Variants in GORAB observed in about 807,000 individuals in gnomAD.
GORAB encodes the protein golgin, RAB6 interacting.
Under a neutral mutation model 29.9 loss-of-function variants are expected in GORAB, and 17 were observed. The observed-to-expected ratio is 0.57, with a 90% CI of 0.39 to 0.85. The LOEUF is 0.85. Ranked by LOEUF, GORAB falls within the 40% of genes least tolerant of loss-of-function variation. The pLI, the probability that GORAB is intolerant of heterozygous loss-of-function variation, is 0.00. For missense variants in GORAB, 442 were observed against 437.8 expected, an observed-to-expected ratio of 1.01 and a Z score of -0.09; for synonymous variants, 183 against 157.2, an observed-to-expected ratio of 1.16 and a Z score of -1.23.
At chr1:170,532,863 G>A (rs981548169) in intron 1 of GORAB, among the ~76,000 whole-genome samples, 2 of 152,198 alleles carry the variant, frequency 1.3e-5, no homozygotes, top group Non-Finnish European at 2.9e-5. Context: ...GAGGGTAGAT[G>A]TGAAGACTTT....
intron 2 of GORAB, among the ~76,000 whole-genome samples, 158 bp from the exon 3 acceptor site, chr1:170,542,333 C>T (rs1162242877): frequency 1.3e-5 from 2 of 152,116 alleles, no homozygotes; most frequent in Non-Finnish European, 2.9e-5. Flanking sequence ...TAATGAACTG[C>T]AGATGGGTTT....
intron 1 of GORAB, among the ~76,000 whole-genome samples, chr1:170,535,981 A>G (rs1406674187): frequency 6.6e-6 from 1 of 152,154 alleles, no homozygotes; most frequent in Non-Finnish European, 1.5e-5. Flanking sequence ...CCCAGCCAGT[A>G]TTCTTGACCT....
Position 170,542,503 on chromosome 1 carries a change from T to G in GORAB, c.432T>G (p.Ser144=). 1 of 1,613,388 alleles carries G rather than the reference T, an allele frequency of 6.2e-7. No individual in the cohort carries two copies. The highest frequency in any genetic ancestry group is 1.1e-5 in the South Asian group (1 of 91,072). The change falls in exon 3 of 5, where the codon TCT becomes TCG. Residue 144 remains serine, a synonymous_variant. Transcript: ENST00000367763. ...EKKKVELQEK[S]RWEVLQQEQR... ...TTTTGCCCCCTAGGCAAGAAAAATC[T>G]CGTTGGGAAGTCCTCCAACAAGAAC...
chr1:170,545,019 C>T, intron 4 of GORAB, 174 bp downstream of exon 4: 1 of 1,342,002 alleles, frequency 7.5e-7, no homozygotes, highest in Non-Finnish European at 9.6e-7. Context: ...GTGAAGTCTT[C>T]CTTAACTCTG....
At chr1:170,545,379 T>C (rs1284993574) in intron 4 of GORAB, 6 of 954,902 alleles carry the variant, frequency 6.3e-6, no homozygotes, top group African/African-American at 1.8e-5. Flanking sequence ...ATTTTCTCTT[T>C]TTTTTTCCTT....
At position 170,537,583 on chromosome 1, in the gene GORAB, A is replaced by G. The variant is rs528742429; in HGVS notation, c.62-1627A>G. ...CTACATTTAAAAATCAAGATATTTT[A>G]CATAAAAGTCTAAATTGTAATCATA... On this transcript the variant is annotated intron_variant, in intron 1 of 4. Transcript: ENST00000367763. 2.0e-5 allele frequency among the ~76,000 whole-genome samples: 3 copies of G among 152,318 alleles called. No individual in the cohort carries two copies. In the South Asian group the frequency reaches 6.2e-4, roughly 32 times the overall value.
intron 1 of GORAB, among the ~76,000 whole-genome samples, chr1:170,533,057 A>G (rs995802858): frequency 6.6e-6 from 1 of 152,198 alleles, no homozygotes; most frequent in African/African-American, 2.4e-5. Flanking sequence ...CTTGTGGTTG[A>G]AATTTCGCAG....
intron 1 of GORAB, among the ~76,000 whole-genome samples, chr1:170,534,859 A>C (rs1430895831): frequency 6.6e-6 from 1 of 152,188 alleles, no homozygotes; most frequent in Non-Finnish European, 1.5e-5. Flanking sequence ...GATTGTATAT[A>C]GTGGGGAGGC....
chr1:170,540,054 T>C lies in GORAB; in HGVS notation c.419+487T>C, dbSNP rs556887683. 4.6e-5 allele frequency among the ~76,000 whole-genome samples: 7 copies of C among 151,792 alleles called. No homozygotes were observed. In the South Asian group the frequency reaches 1.0e-3, roughly 23 times the overall value. On this transcript the variant is annotated intron_variant, in intron 2 of 4. Transcript: ENST00000367763. ...AATCACAGCTCAGAAGCAGTTCTTA[T>C]ATGCATAGTGCCTCTGCCCAAATTG...
At chr1:170,542,628 C>T in intron 3 of GORAB, 36 bp downstream of exon 3, 1 of 1,303,218 alleles carries the variant, frequency 7.7e-7, no homozygotes. Flanking sequence ...TGTTTGTAAC[C>T]TGTAACCAGT....
chr1:170,539,655 T>C, intron 2 of GORAB, 88 bp downstream of exon 2: 3 of 1,401,634 alleles, frequency 2.1e-6, no homozygotes, highest in Non-Finnish European at 2.9e-6. Context: ...ATTTGTTTAT[T>C]TTAACATTTT....
chr1:170,542,595 G>A lies in GORAB; in HGVS notation c.521+3G>A, dbSNP rs1232177700. ...TTGGCTAAAGCTATTGCAGAAAGGTGAGGCACCTGAACCAGGAGAGGCTGT... is the reference window on the plus strand; with the variant it reads ...TTGGCTAAAGCTATTGCAGAAAGGTAAGGCACCTGAACCAGGAGAGGCTGT... On this transcript the variant is annotated splice_donor_region_variant and intron_variant, in intron 3 of 4. Coordinates refer to ENST00000367763, the MANE Select transcript of GORAB (RefSeq NM_152281.3). The A allele has an allele frequency of 1.9e-6, 3 of 1,596,242 alleles. No homozygotes were observed. The African/African-American group carries it at 4.0e-5, about 21-fold the overall frequency.
At chr1:170,548,486 A>G (rs936273817) in intron 4 of GORAB, among the ~76,000 whole-genome samples, 1 of 152,238 alleles carries the variant, frequency 6.6e-6, no homozygotes, top group East Asian at 1.9e-4. Context: ...CTACCACACC[A>G]TTCATCTTTT....
At chr1:170,545,539 G>A (rs544273977) in intron 4 of GORAB, 693 of 984,714 alleles carry the variant, frequency 7.0e-4, no homozygotes, top group Non-Finnish European at 7.9e-4. Context: ...AGATAAAAGG[G>A]CAAAAAAATA....
intron 4 of GORAB, among the ~76,000 whole-genome samples, chr1:170,548,788 A>G (rs1649915715): frequency 6.6e-6 from 1 of 152,214 alleles, no homozygotes; most frequent in African/African-American, 2.4e-5. Context: ...TGAAATGGCA[A>G]AATGTTTCAA....
Position 170,540,269 on chromosome 1 carries a change from G to T in GORAB, c.419+702G>T, listed in dbSNP as rs573573637. On this transcript the variant is annotated intron_variant, in intron 2 of 4. Transcript: ENST00000367763. ...TATTAGAAACAACCTTCATAATTTA[G>T]CTACACTGTTCTTGTGGAAGATGCC... is the stretch of plus-strand genomic sequence containing the variant. Among the ~76,000 whole-genome samples, 42 of 151,990 alleles carry T rather than the reference G, an allele frequency of 2.8e-4. 1 individual carries two copies. Among genetic ancestry groups the T allele is most frequent in the Middle Eastern group, 6.8e-3 (2 of 294 alleles).
intron 4 of GORAB, among the ~76,000 whole-genome samples, chr1:170,548,466 A>AT (rs1649893447): frequency 1.3e-5 from 2 of 152,322 alleles, no homozygotes; most frequent in South Asian, 2.1e-4. Context: ...TTGGGAGGCC[A>AT]TTTTTTAGCC....
At chr1:170,547,696 A>C (rs1488415792) in intron 4 of GORAB, among the ~76,000 whole-genome samples, 1 of 152,224 alleles carries the variant, frequency 6.6e-6, no homozygotes, top group Non-Finnish European at 1.5e-5. Context: ...TTAAAATTTT[A>C]ATAAGAATGT....
At chr1:170,546,003 C>G (rs2101828835) in intron 4 of GORAB, among the ~76,000 whole-genome samples, 1 of 152,286 alleles carries the variant, frequency 6.6e-6, no homozygotes, top group African/African-American at 2.4e-5. Context: ...ATTTTATTCT[C>G]TGTAACATAA....
Sources: gnomAD v4.1 joint callset for allele counts (sites outside exome capture counted in the v4.1 genomes callset) on GRCh38, gnomAD v4.1.1 for gene constraint, MANE v1.5 for transcripts, NCBI Gene and HGNC (gene_info 2026-07-23, HGNC 2026-07-21) for gene names.